The following LRP2 variants were observed in gnomAD, a reference collection of about 807,000 sequenced individuals.
LRP2 encodes low-density lipoprotein receptor-related protein 2.
In LRP2, 172 loss-of-function variants were observed where a neutral mutation model predicts 531.0. That is an observed-to-expected ratio of 0.32 (90% CI 0.29 to 0.37). The LOEUF (loss-of-function observed/expected upper bound fraction) is 0.37. Among genes scored for constraint, LRP2 ranks in the 10% least tolerant of loss-of-function variants. The pLI, the probability that LRP2 is intolerant of heterozygous loss-of-function variation, is 1.00. For synonymous variants in LRP2, 1,992 were observed against 2,027.6 expected, an observed-to-expected ratio of 0.98 and a Z score of 0.47; for missense variants, 5,167 against 5,868.3, an observed-to-expected ratio of 0.88 and a Z score of 3.90.
At chr2:169,241,775 T>C (rs1316661528) in intron 24 of LRP2, among the ~76,000 whole-genome samples, 3 of 152,236 alleles carry the variant, frequency 2.0e-5, no homozygotes, top group Non-Finnish European at 4.4e-5. Flanking sequence ...ACTTCATGTG[T>C]TTCATATCAT....
At chr2:169,257,885 G>A (rs1242305133) in intron 17 of LRP2, among the ~76,000 whole-genome samples, 1 of 149,894 alleles carries the variant, frequency 6.7e-6, no homozygotes, top group Non-Finnish European at 1.5e-5. Flanking sequence ...TCTCTTTTAT[G>A]GGATCCAGAG....
chr2:169,206,303 G>T, intron 39 of LRP2, 27 bp downstream of exon 39: 2 of 1,612,656 alleles, frequency 1.2e-6, no homozygotes, highest in Non-Finnish European at 1.7e-6. Flanking sequence ...CTACTTGCAG[G>T]ACAAGCAGCA....
Position 169,181,617 on chromosome 2 carries a change from A to G in LRP2, c.10000T>C (p.Tyr3334His). 1 of 1,614,078 alleles carries G rather than the reference A, an allele frequency of 6.2e-7. No individual in the cohort carries two copies. The highest frequency in any genetic ancestry group is 8.5e-7 in the Non-Finnish European group (1 of 1,180,004). ...RGLALHPQYG[Y>H]LYWADWGHRA... ...TGACCCCAGTCTGCCCAGTAGAGGT[A>G]CCTGTCAGGGCAAACACAAAGGGTC... Residue 3334 changes from tyrosine to histidine, a missense_variant and splice_region_variant, in exon 52 of 79, where the codon TAC (tyrosine) becomes CAC (histidine). Physicochemically the swap from Tyr to His is moderately conservative, Grantham distance 83. Transcript: ENST00000649046.
Position 169,317,070 on chromosome 2 carries a change from T to C in LRP2, c.310+1692A>G, listed in dbSNP as rs528267360. 4.6e-5 allele frequency among the ~76,000 whole-genome samples: 7 copies of C among 152,322 alleles called. No individual in the cohort carries two copies. In the East Asian group the frequency reaches 1.2e-3, roughly 25 times the overall value. On this transcript the variant is annotated intron_variant, in intron 3 of 78. Coordinates refer to ENST00000649046, the MANE Select transcript of LRP2 (RefSeq NM_004525.3). Reference sequence around the variant, plus strand: ...TTGTTTGTGGTTAAAAGATATCTAATGGAGAATTTTTATATCATTAAAAAT... The same window carrying C: ...TTGTTTGTGGTTAAAAGATATCTAACGGAGAATTTTTATATCATTAAAAAT...
At chr2:169,295,321 C>A (rs533753583) in intron 4 of LRP2, among the ~76,000 whole-genome samples, 1 of 152,288 alleles carries the variant, frequency 6.6e-6, no homozygotes, top group South Asian at 2.1e-4. Context: ...CAGGGTAGAG[C>A]GGCCTGAAAA....
chr2:169,130,362 A>G (rs1203523492), intron 77 of LRP2, among the ~76,000 whole-genome samples: 2 of 144,678 alleles, frequency 1.4e-5, no homozygotes, highest in African/African-American at 2.6e-5. Context: ...GTCTCGGCCC[A>G]CTACAACCTC....
intron 52 of LRP2, among the ~76,000 whole-genome samples, chr2:169,179,486 A>T (rs1411474520): frequency 1.3e-5 from 2 of 152,078 alleles, no homozygotes; most frequent in Non-Finnish European, 2.9e-5. Context: ...TTAGGGAGGC[A>T]GAGGCAGGCA....
chr2:169,138,702 T>C lies in LRP2; in HGVS notation c.13393A>G (p.Ser4465Gly). ...LPALPKLPSL[S>G]SLVKPSENGN... ...TTTTCAGAGGGCTTGACGAGACTGCTTAAGCTGGAAAGAAGTAACCAAAAC... is the reference window on the plus strand; with the variant it reads ...TTTTCAGAGGGCTTGACGAGACTGCCTAAGCTGGAAAGAAGTAACCAAAAC... Residue 4465 changes from serine to glycine, a missense_variant, in exon 75 of 79, where the codon AGC becomes GGC. Around this residue, in one of 6 missense-constraint regions of LRP2, gnomAD observed 348 missense variants for 369.3 expected, o/e 0.94. Transcript: ENST00000649046. 1 of 1,613,988 alleles carries C rather than the reference T, an allele frequency of 6.2e-7. No individual in the cohort carries two copies. The highest frequency in any genetic ancestry group is 8.5e-7 in the Non-Finnish European group (1 of 1,179,898).
intron 68 of LRP2, among the ~76,000 whole-genome samples, chr2:169,147,857 C>T (rs1215233765): frequency 6.6e-6 from 1 of 152,124 alleles, no homozygotes; most frequent in African/African-American, 2.4e-5. Flanking sequence ...CAGACCTACC[C>T]AGTGTAATCC....
intron 9 of LRP2, among the ~76,000 whole-genome samples, chr2:169,284,251 T>G (rs1299998231): frequency 3.6e-5 from 2 of 56,168 alleles, no homozygotes; most frequent in African/African-American, 1.1e-4. Context: ...CTTTTTCTTT[T>G]TTTTCTTTTT....
chr2:169,223,239 T>C (rs115226616), intron 33 of LRP2, among the ~76,000 whole-genome samples: 2,800 of 152,268 alleles, frequency 0.018, 70 homozygotes, highest in Middle Eastern at 0.071. Context: ...TTTTGGTTCA[T>C]GTGGTTAAAG....
At chr2:169,191,694 G>A in intron 48 of LRP2, 138 bp downstream of exon 48, 1 of 664,968 alleles carries the variant, frequency 1.5e-6, no homozygotes, top group South Asian at 2.0e-5. Flanking sequence ...ATTTGGAAAG[G>A]AATCCAAACA....
Position 169,137,511 on chromosome 2 carries a change from AAG to A in LRP2, c.13519-20_13519-19del, listed in dbSNP as rs138614485. The A allele has an allele frequency of 0.096, 88,851 of 924,856 alleles. 2 individuals carry two copies. Among genetic ancestry groups the A allele is most frequent in the South Asian group, 0.16 (6,177 of 38,346 alleles). 57.3% of individuals were successfully genotyped at this position (924,856 alleles called of 1,614,324 possible). A position where few individuals can be genotyped will look rare whatever the true frequency, so the allele number is the denominator to read the frequency against. ...TCTTCACTCTGATGGCAGAGACAGA[AAG>A]AGAGAGAGAGAGAGAGAGAGAAACA... On this transcript the variant is annotated intron_variant, in intron 75 of 78. Transcript: ENST00000649046.
At chr2:169,347,883 C>T (rs1685737199) in intron 1 of LRP2, among the ~76,000 whole-genome samples, 1 of 152,146 alleles carries the variant, frequency 6.6e-6, no homozygotes, top group African/African-American at 2.4e-5. Context: ...AAAGTTGGGT[C>T]GCAATGGTAC....
chr2:169,315,680 C>T (rs1382126285), intron 3 of LRP2, among the ~76,000 whole-genome samples: 2 of 152,100 alleles, frequency 1.3e-5, no homozygotes, highest in Admixed American at 6.6e-5. Flanking sequence ...GGAACTTTCT[C>T]CTGGAATTAA....
chr2:169,259,268 A>G (rs375233032), intron 16 of LRP2, 51 bp from the exon 17 acceptor site: 1 of 1,442,440 alleles, frequency 6.9e-7, no homozygotes, highest in African/African-American at 1.4e-5. Flanking sequence ...TTTGTAAGGC[A>G]TCAATTTTCC....
chr2:169,333,410 T>C (rs1418909536), intron 1 of LRP2, among the ~76,000 whole-genome samples: 2 of 150,180 alleles, frequency 1.3e-5, no homozygotes, highest in Non-Finnish European at 2.9e-5. Context: ...TGTTAGAATA[T>C]ATGTGTGAAA....
At chr2:169,310,987 A>C (rs188178235) in intron 3 of LRP2, among the ~76,000 whole-genome samples, 1 of 152,176 alleles carries the variant, frequency 6.6e-6, no homozygotes, top group Non-Finnish European at 1.5e-5. Context: ...GTTGATTTGC[A>C]TAGAGGTTTT....
chr2:169,139,396 A>G (rs771873084), intron 73 of LRP2, 25 bp from the exon 74 acceptor site: 4 of 1,614,200 alleles, frequency 2.5e-6, no homozygotes. Context: ...AGCAGAGAGC[A>G]CATCAACACA....
Sources: gnomAD v4.1 joint callset for allele counts (sites outside exome capture counted in the v4.1 genomes callset) on GRCh38, gnomAD v4.1.1 for gene constraint, gnomAD v4.1.1 regional missense constraint, MANE v1.5 for transcripts, NCBI Gene and HGNC (gene_info 2026-07-23, HGNC 2026-07-21) for gene names.